The following CHODL variants were observed in gnomAD, a reference collection of about 807,000 sequenced individuals.
CHODL encodes chondrolectin.
Under a neutral mutation model 34.5 loss-of-function variants are expected in CHODL, and 29 were observed. The observed-to-expected ratio is 0.84, with a 90% CI of 0.63 to 1.15. The LOEUF (loss-of-function observed/expected upper bound fraction) is 1.15. Ranked by LOEUF, CHODL falls within the 50% of genes most tolerant of loss-of-function variation. The probability of loss-of-function intolerance (pLI) is 0.00; values close to 1 mark genes in which losing one functional copy is unlikely to be tolerated. For missense variants in CHODL, 332 were observed against 332.5 expected, an observed-to-expected ratio of 1.00 and a Z score of 0.01; for synonymous variants, 125 against 116.1, an observed-to-expected ratio of 1.08 and a Z score of -0.49.
intron 2 of CHODL, among the ~76,000 whole-genome samples, chr21:18,042,768 A>G (rs2064392110): frequency 6.6e-6 from 1 of 152,000 alleles, no homozygotes; most frequent in Non-Finnish European, 1.5e-5. Flanking sequence ...AGAGATACAT[A>G]TCTGGGATAG....
intron 1 of CHODL, among the ~76,000 whole-genome samples, chr21:17,922,500 A>G (rs2146310486): frequency 6.6e-6 from 1 of 152,304 alleles, no homozygotes; most frequent in South Asian, 2.1e-4. Context: ...ATGGGTTGAT[A>G]AATCTGGTTT....
chr21:18,003,370 A>T (rs1434418997), intron 1 of CHODL, among the ~76,000 whole-genome samples: 1 of 138,566 alleles, frequency 7.2e-6, no homozygotes, highest in East Asian at 2.0e-4. Flanking sequence ...ACTTCAGAAA[A>T]ATAATAATAT....
At chr21:18,058,262 A>G (rs1265289935) in intron 2 of CHODL, among the ~76,000 whole-genome samples, 18 of 152,286 alleles carry the variant, frequency 1.2e-4, no homozygotes, top group African/African-American at 4.3e-4. Context: ...GAGAATATAC[A>G]TTAGTACAGC....
chr21:17,921,004 A>T (rs889471713), intron 1 of CHODL, among the ~76,000 whole-genome samples: 10 of 149,798 alleles, frequency 6.7e-5, no homozygotes, highest in Non-Finnish European at 1.5e-5. Flanking sequence ...TAGGGGCCAT[A>T]TACCTAACTT....
chr21:18,001,096 T>G (rs951688236), intron 1 of CHODL, among the ~76,000 whole-genome samples: 1 of 152,284 alleles, frequency 6.6e-6, no homozygotes, highest in Middle Eastern at 3.4e-3. Flanking sequence ...TTTCAAACAC[T>G]GGGCATGGGC....
intron 2 of CHODL, among the ~76,000 whole-genome samples, chr21:18,129,268 G>T (rs1263455035): frequency 2.2e-5 from 2 of 89,106 alleles, no homozygotes; most frequent in Admixed American, 1.1e-4. Context: ...ACAAAGAAGA[G>T]ATTTTTTTTT....
chr21:18,018,638 C>T (rs2064098310), intron 1 of CHODL, among the ~76,000 whole-genome samples: 1 of 152,092 alleles, frequency 6.6e-6, no homozygotes, highest in South Asian at 2.1e-4. Context: ...AACTGTGAGC[C>T]AATTAAACCT....
At chr21:18,156,410 G>A (rs2073035480) in intron 2 of CHODL, among the ~76,000 whole-genome samples, 1 of 151,644 alleles carries the variant, frequency 6.6e-6, no homozygotes, top group African/African-American at 2.4e-5. Flanking sequence ...AAGTATACAT[G>A]AATACAAACA....
At chr21:18,031,924 T>C (rs1468349649) in intron 2 of CHODL, among the ~76,000 whole-genome samples, 1 of 152,104 alleles carries the variant, frequency 6.6e-6, no homozygotes. Flanking sequence ...AATTATTCTA[T>C]TTCTACTTGC....
chr21:18,216,473 A>T (rs534034610), intron 2 of CHODL, among the ~76,000 whole-genome samples: 2 of 151,948 alleles, frequency 1.3e-5, no homozygotes, highest in South Asian at 4.2e-4. Context: ...CAACAATTCT[A>T]CTCTCTACTT....
chr21:18,254,333 T>G (rs1211254938), intron 1 of CHODL, among the ~76,000 whole-genome samples: 1 of 152,138 alleles, frequency 6.6e-6, no homozygotes, highest in Non-Finnish European at 1.5e-5. Flanking sequence ...ATAAAGTAAT[T>G]TGTCTAAATT....
chr21:18,220,659 T>C (rs1026660680), intron 2 of CHODL, among the ~76,000 whole-genome samples: 1 of 152,078 alleles, frequency 6.6e-6, no homozygotes, highest in African/African-American at 2.4e-5. Context: ...CATTTTTGAA[T>C]AATAGCTTTG....
chr21:18,207,455 C>T (rs1281844630), intron 2 of CHODL, among the ~76,000 whole-genome samples: 3 of 152,094 alleles, frequency 2.0e-5, no homozygotes, highest in Non-Finnish European at 4.4e-5. Flanking sequence ...ATTGGTTCAA[C>T]TTTTAGTGTT....
At chr21:17,945,625 C>T (rs533235024) in intron 1 of CHODL, among the ~76,000 whole-genome samples, 1 of 152,184 alleles carries the variant, frequency 6.6e-6, no homozygotes, top group East Asian at 1.9e-4. Context: ...AGAAACTAAA[C>T]CTTTCAATCA....
chr21:17,936,885 C>T (rs1483121233), intron 1 of CHODL, among the ~76,000 whole-genome samples: 1 of 151,874 alleles, frequency 6.6e-6, no homozygotes, highest in East Asian at 1.9e-4. Context: ...ACCAGCCTGG[C>T]CAACATGGTG....
intron 2 of CHODL, among the ~76,000 whole-genome samples, chr21:18,154,331 T>C (rs1027015478): frequency 1.3e-5 from 2 of 152,164 alleles, no homozygotes; most frequent in Non-Finnish European, 2.9e-5. Flanking sequence ...CAAGAACTCT[T>C]ATCATCAAAG....
At chr21:18,157,636 T>C (rs1245477967) in intron 2 of CHODL, among the ~76,000 whole-genome samples, 1 of 152,220 alleles carries the variant, frequency 6.6e-6, no homozygotes, top group African/African-American at 2.4e-5. Flanking sequence ...AATGCCATAT[T>C]CCAAACTGTC....
chr21:18,081,487 C>A (rs1037845753), intron 2 of CHODL, among the ~76,000 whole-genome samples: 12 of 151,946 alleles, frequency 7.9e-5, no homozygotes, highest in Non-Finnish European at 1.6e-4. Context: ...TCAAGACCAG[C>A]CTGGCCAACA....
chr21:18,006,482 T>C (rs576378934), intron 1 of CHODL, among the ~76,000 whole-genome samples: 1 of 152,306 alleles, frequency 6.6e-6, no homozygotes, highest in African/African-American at 2.4e-5. Flanking sequence ...GTGTGATACC[T>C]TTCCTCCCTC....
Sources: allele counts gnomAD v4.1 joint callset (sites outside exome capture counted in the v4.1 genomes callset), GRCh38; gene constraint gnomAD v4.1.1; transcripts MANE v1.5; gene names NCBI Gene and HGNC (gene_info 2026-07-23, HGNC 2026-07-21).